GFM2: variants seen among roughly 807,000 people sequenced by gnomAD.
GFM2 encodes GTP dependent ribosome recycling factor mitochondrial 2, also known as ribosome-releasing factor 2, mitochondrial.
In GFM2, 72 loss-of-function variants were observed where a neutral mutation model predicts 95.4. That is an observed-to-expected ratio of 0.76 (90% confidence interval 0.62 to 0.92). GFM2 has a LOEUF of 0.92. Ranked by LOEUF, GFM2 falls within the 40% of genes least tolerant of loss-of-function variation. GFM2 has a pLI of 0.00. For missense variants in GFM2, 825 were observed against 924.1 expected (o/e 0.89, Z 1.39); for synonymous variants, 276 against 317.5 (o/e 0.87, Z 1.39).
Position 74,759,418 on chromosome 5 carries a change from C to T in GFM2, c.157G>A (p.Gly53Arg). Residue 53 changes from glycine (G) to arginine (R), a missense_variant, in exon 4 of 21, where the codon GGA becomes AGA. By Grantham distance (125) the Gly-to-Arg change is moderately radical (BLOSUM62 -2). Coordinates refer to ENST00000296805, the MANE Select transcript of GFM2 (RefSeq NM_032380.5). ...GAATGAAGGGATTTGATATCATTTC[C>T]TATTAAGCCTAATGAAAAGAAAGTT... Reference protein sequence around the residue: ...RNCSSLPGLIGNDIKSLHSII... With the variant: ...RNCSSLPGLIRNDIKSLHSII... The T allele has an allele frequency of 6.6e-7, 1 of 1,504,464 alleles. No individual in the cohort carries two copies. The highest frequency in any genetic ancestry group is 9.2e-7 in the Non-Finnish European group (1 of 1,089,010). The allele number at this position is 1,504,464 out of a possible 1,614,324, so 93.2% of individuals were successfully genotyped here. A position where few individuals can be genotyped will look rare whatever the true frequency, so the allele number is the denominator to read the frequency against.
chr5:74,749,101 C>T (rs913737329), intron 7 of GFM2, among the ~76,000 whole-genome samples: 1 of 151,792 alleles, frequency 6.6e-6, no homozygotes, highest in Non-Finnish European at 1.5e-5. Flanking sequence ...CCCCAACCTC[C>T]CTGCTGGGCT....
chr5:74,726,126 T>C lies in GFM2; in HGVS notation c.1727A>G (p.Asp576Gly). 6.3e-7 allele frequency: 1 copy of C among 1,595,216 alleles called. No individual in the cohort carries two copies. Among genetic ancestry groups the C allele is most frequent in the Non-Finnish European group, 8.5e-7 (1 of 1,171,714 alleles). The change falls in exon 18 of 21, where the codon GAT becomes GGT. Residue 576 changes from aspartate (D) to glycine (G), a missense_variant and splice_region_variant. Physicochemically the swap from Asp to Gly is moderately conservative, Grantham distance 94 (BLOSUM62 -1). Transcript: ENST00000296805. ...ETILNSVRAT[D>G]TLDRTLGDKR... ...GTCTCCTAAAGTTCTATCTAAGGTA[T>C]CTGTAAACAAATTGAATATGGCACC...
chr5:74,757,810 A>C (rs539810245), intron 5 of GFM2, among the ~76,000 whole-genome samples: 1 of 151,864 alleles, frequency 6.6e-6, no homozygotes, highest in African/African-American at 2.4e-5. Context: ...ATGAACCTTG[A>C]GGACACTGTA....
chr5:74,721,303 T>C lies in GFM2; in HGVS notation c.*352A>G, dbSNP rs1314065693. The C allele has an allele frequency of 1.2e-6, 1 of 850,642 alleles. No homozygotes were observed. Among genetic ancestry groups the C allele is most frequent in the Non-Finnish European group, 2.0e-6 (1 of 506,914 alleles). The allele number at this position is 850,642 out of a possible 1,614,324, so 52.7% of individuals were successfully genotyped here. ...TATTGATTGAACCTTTGACCCTCTATCTTATTACATTTAGAGGCCTGGCAT... is the reference window on the plus strand; with the variant it reads ...TATTGATTGAACCTTTGACCCTCTACCTTATTACATTTAGAGGCCTGGCAT... On this transcript the variant is annotated 3_prime_UTR_variant, in exon 21 of 21. Transcript: ENST00000296805.
chr5:74,737,081 CTTTCT>C (rs1213868156), intron 14 of GFM2, 96 bp from the exon 15 acceptor site: 2 of 1,109,252 alleles, frequency 1.8e-6, no homozygotes, highest in African/African-American at 3.2e-5. Flanking sequence ...TTTTGTGGCC[CTTTCT>C]TTTCATCAGA....
chr5:74,741,721 C>A (rs1743116865), intron 10 of GFM2, 112 bp from the exon 11 acceptor site: 1 of 540,264 alleles, frequency 1.9e-6, no homozygotes, highest in Non-Finnish European at 3.3e-6. Flanking sequence ...AGCTACCTTA[C>A]CTAGGCCAAG....
Position 74,731,722 on chromosome 5 carries a change from T to C in GFM2, c.1587+1300A>G, listed in dbSNP as rs150034592. On this transcript the variant is annotated intron_variant, in intron 16 of 20. Coordinates refer to ENST00000296805, the MANE Select transcript of GFM2 (RefSeq NM_032380.5). ...TAATACAAATAAAATGACTTGTTTA[T>C]AGGTATCTGTACATATATACTTGCA... 1.7e-4 allele frequency among the ~76,000 whole-genome samples: 26 copies of C among 152,304 alleles called. No homozygotes were observed. In the East Asian group the frequency reaches 5.0e-3, roughly 29 times the overall value.
At chr5:74,749,708 T>C (rs775899018) in intron 7 of GFM2, among the ~76,000 whole-genome samples, 3 of 152,228 alleles carry the variant, frequency 2.0e-5, no homozygotes, top group Non-Finnish European at 4.4e-5. Context: ...TTAATATTTG[T>C]ATAATATGTT....
intron 17 of GFM2, among the ~76,000 whole-genome samples, chr5:74,727,092 CAGG>C (rs1750181026): frequency 6.6e-6 from 1 of 152,030 alleles, no homozygotes; most frequent in African/African-American, 2.4e-5. Flanking sequence ...TGCTGGAGCC[CAGG>C]AGTTCAAGGC....
At chr5:74,737,032 C>A (rs560665095) in intron 14 of GFM2, 47 bp from the exon 15 acceptor site, 3 of 1,597,270 alleles carry the variant, frequency 1.9e-6, no homozygotes, top group African/African-American at 2.7e-5. Flanking sequence ...ATTTAGCAAG[C>A]GCTCATCTTA....
chr5:74,740,836 T>C (rs1220313222), intron 11 of GFM2, among the ~76,000 whole-genome samples: 3 of 152,204 alleles, frequency 2.0e-5, no homozygotes, highest in African/African-American at 7.2e-5. Flanking sequence ...AGCTCTTGTG[T>C]TTTTAATTCT....
At chr5:74,736,687 C>T in intron 15 of GFM2, 109 bp downstream of exon 15, 1 of 1,526,786 alleles carries the variant, frequency 6.5e-7, no homozygotes, top group Non-Finnish European at 8.8e-7. Flanking sequence ...CCAATATATT[C>T]AGATAAAATT....
intron 15 of GFM2, 48 bp from the exon 16 acceptor site, chr5:74,733,146 T>G (rs761709300): frequency 3.0e-6 from 4 of 1,348,112 alleles, no homozygotes; most frequent in Non-Finnish European, 4.2e-6. Context: ...TTTAAATAAT[T>G]TATTATATGT....
chr5:74,721,910 C>A, intron 20 of GFM2, 127 bp from the exon 21 acceptor site: 1 of 789,200 alleles, frequency 1.3e-6, no homozygotes. Flanking sequence ...CATATCACTT[C>A]CTCCAAACAG....
intron 17 of GFM2, among the ~76,000 whole-genome samples, chr5:74,728,215 C>A (rs897465091): frequency 3.3e-5 from 5 of 152,148 alleles, no homozygotes; most frequent in Non-Finnish European, 2.9e-5. Context: ...AATTTTGACT[C>A]CCCTGAAACT....
intron 17 of GFM2, among the ~76,000 whole-genome samples, chr5:74,726,796 T>C (rs984654893): frequency 2.6e-5 from 4 of 152,180 alleles, no homozygotes; most frequent in Admixed American, 6.5e-5. Flanking sequence ...AATTCAAAAC[T>C]AAGAATTATA....
At chr5:74,756,740 C>T (rs1015616106) in intron 5 of GFM2, among the ~76,000 whole-genome samples, 1 of 151,920 alleles carries the variant, frequency 6.6e-6, no homozygotes, top group Non-Finnish European at 1.5e-5. Context: ...TAATGGCATT[C>T]GCAGCAACCT....
intron 16 of GFM2, 89 bp downstream of exon 16, chr5:74,732,933 C>T (rs1579979646): frequency 1.1e-5 from 1 of 89,664 alleles, no homozygotes; most frequent in Non-Finnish European, 2.2e-5. Context: ...TTTAGACACA[C>T]ACACACACAC....
Position 74,764,343 on chromosome 5 carries a change from G to A in GFM2, c.-24-577C>T, listed in dbSNP as rs149721517. 3.6e-3 allele frequency among the ~76,000 whole-genome samples: 549 copies of A among 152,294 alleles called. 6 individuals are homozygous for A. The highest frequency in any genetic ancestry group is 0.013 in the African/African-American group (527 of 41,568). On this transcript the variant is annotated intron_variant, in intron 1 of 20. Transcript: ENST00000296805. ...ATATCAAAGCTATTAGAAATATAAG[G>A]ACGCAGCTGAGACTGGGGATGCTGG...
Sources: allele counts gnomAD v4.1 joint callset (sites outside exome capture counted in the v4.1 genomes callset), GRCh38; gene constraint gnomAD v4.1.1; transcripts MANE v1.5; gene names NCBI Gene and HGNC (gene_info 2026-07-23, HGNC 2026-07-21).